PARD3: variants seen among roughly 807,000 people sequenced by gnomAD.
PARD3 encodes partitioning defective 3 homolog.
PARD3 carries 75 observed loss-of-function variants against 155.4 expected under a neutral mutation model. That is an observed-to-expected ratio of 0.48 (90% confidence interval 0.40 to 0.58). PARD3 has a LOEUF of 0.58. PARD3 is among the 20% of genes least tolerant of loss of function. The pLI is 0.00. For missense variants in PARD3, 1,642 were observed against 1,721.7 expected (o/e 0.95, Z 0.82); for synonymous variants, 576 against 610.5 (o/e 0.94, Z 0.83).
intron 5 of PARD3, among the ~76,000 whole-genome samples, chr10:34,439,465 TTTTTC>T (rs930194035): frequency 9.9e-5 from 15 of 152,162 alleles, no homozygotes; most frequent in Non-Finnish European, 1.3e-4. Context: ...TTTTAATTTT[TTTTTC>T]TTTTCTTGAG....
At chr10:34,367,255 T>C (rs1052020560) in intron 12 of PARD3, among the ~76,000 whole-genome samples, 2 of 152,214 alleles carry the variant, frequency 1.3e-5, no homozygotes, top group African/African-American at 4.8e-5. Flanking sequence ...CTTACTGCCA[T>C]ACATGATCCT....
chr10:34,494,929 C>T (rs2080170055), intron 3 of PARD3, among the ~76,000 whole-genome samples: 1 of 152,008 alleles, frequency 6.6e-6, no homozygotes, highest in African/African-American at 2.4e-5. Flanking sequence ...AAGCTGGAGC[C>T]AATTCCACTG....
chr10:34,138,032 C>T (rs981226768), intron 22 of PARD3, among the ~76,000 whole-genome samples: 1 of 152,152 alleles, frequency 6.6e-6, no homozygotes, highest in Non-Finnish European at 1.5e-5. Context: ...TAAGGTGGCC[C>T]TAATGTCCTA....
chr10:34,274,787 G>A (rs1390211942), intron 21 of PARD3, among the ~76,000 whole-genome samples: 2 of 152,086 alleles, frequency 1.3e-5, no homozygotes, highest in East Asian at 1.9e-4. Flanking sequence ...CACTAAAAGT[G>A]AAAAATCCAG....
chr10:34,159,016 T>C (rs1335630548), intron 22 of PARD3, among the ~76,000 whole-genome samples: 1 of 152,174 alleles, frequency 6.6e-6, no homozygotes, highest in Non-Finnish European at 1.5e-5. Context: ...CATTCTCAAA[T>C]CTTGAAAAAG....
chr10:34,563,247 A>G (rs2085648247), intron 2 of PARD3, among the ~76,000 whole-genome samples: 1 of 152,206 alleles, frequency 6.6e-6, no homozygotes, highest in Non-Finnish European at 1.5e-5. Flanking sequence ...GCAAAAATGA[A>G]TACTTTTTTT....
At chr10:34,269,274 A>G (rs1955496681) in intron 22 of PARD3, among the ~76,000 whole-genome samples, 2 of 152,220 alleles carry the variant, frequency 1.3e-5, no homozygotes, top group African/African-American at 4.8e-5. Context: ...AGTGGAACAA[A>G]TCATGTCATT....
intron 3 of PARD3, among the ~76,000 whole-genome samples, chr10:34,503,463 C>T (rs1220317238): frequency 2.0e-5 from 3 of 152,194 alleles, no homozygotes; most frequent in Non-Finnish European, 2.9e-5. Context: ...TCTTAAATTA[C>T]ATGCTATTCC....
At chr10:34,272,118 A>G (rs1955641735) in intron 21 of PARD3, among the ~76,000 whole-genome samples, 1 of 152,212 alleles carries the variant, frequency 6.6e-6, no homozygotes, top group South Asian at 2.1e-4. Context: ...ATAGGCAAAA[A>G]GAAAAGGAAA....
intron 2 of PARD3, among the ~76,000 whole-genome samples, chr10:34,677,159 T>C (rs992901366): frequency 6.6e-6 from 1 of 152,106 alleles, no homozygotes; most frequent in African/African-American, 2.4e-5. Flanking sequence ...AGTATTTCAG[T>C]GTTGTCCAAT....
chr10:34,391,834 T>C (rs1380378975), intron 7 of PARD3, among the ~76,000 whole-genome samples: 1 of 152,212 alleles, frequency 6.6e-6, no homozygotes. Flanking sequence ...CACTTTTATT[T>C]CAACTCAAAA....
chr10:34,542,234 T>TGTGCAC (rs1554889665), intron 2 of PARD3, among the ~76,000 whole-genome samples: 12,797 of 146,088 alleles, frequency 0.088, 813 homozygotes, highest in African/African-American at 0.15. Context: ...TGTGTGTGTG[T>TGTGCAC]GTGTGCACAC....
chr10:34,395,315 G>A (rs928734744), intron 7 of PARD3, among the ~76,000 whole-genome samples: 4 of 152,076 alleles, frequency 2.6e-5, no homozygotes, highest in Non-Finnish European at 5.9e-5. Context: ...GATTACAGGC[G>A]TGAGCCACTG....
At chr10:34,199,470 T>C (rs1375475468) in intron 22 of PARD3, among the ~76,000 whole-genome samples, 1 of 152,060 alleles carries the variant, frequency 6.6e-6, no homozygotes, top group East Asian at 1.9e-4. Context: ...CCCCAGTGGC[T>C]GGTCAGTGAA....
In PARD3 at chr10:34,378,042, G is replaced by T. The variant is rs1175435944; in HGVS notation, c.1464C>A (p.Ile488=). 1 of 1,596,526 alleles carries T rather than the reference G, an allele frequency of 6.3e-7. No homozygotes were observed. The highest frequency in any genetic ancestry group is 1.1e-5 in the South Asian group (1 of 88,738). ...CCCGGGGGAGAATGTTTTTCACATA[G>T]ATTGGAGCTGAGCCACCTATTGTTA... ...RDVTIGGSAP[I]YVKNILPRGA... Residue 488 remains isoleucine, a synonymous_variant, in exon 10 of 25, where the codon ATC becomes ATA. Transcript: ENST00000374788.
At chr10:34,454,689 C>T (rs11818042) in intron 4 of PARD3, among the ~76,000 whole-genome samples, 11,295 of 152,158 alleles carry the variant, frequency 0.074, 1,286 homozygotes, top group African/African-American at 0.25. Context: ...TATGAGGCTG[C>T]CCCAAATAGC....
intron 1 of PARD3, among the ~76,000 whole-genome samples, chr10:34,734,100 CTAAT>C (rs1348393991): frequency 2.0e-5 from 3 of 151,794 alleles, no homozygotes; most frequent in East Asian, 1.9e-4. Flanking sequence ...TCCTAATCTC[CTAAT>C]TTATTATTTA....
chr10:34,350,589 C>T (rs1404522317), intron 14 of PARD3, among the ~76,000 whole-genome samples: 2 of 146,304 alleles, frequency 1.4e-5, no homozygotes, highest in African/African-American at 2.6e-5. Flanking sequence ...GCCGAGATCA[C>T]GCCACTGCAC....
At chr10:34,195,037 A>G (rs1288624078) in intron 22 of PARD3, among the ~76,000 whole-genome samples, 3 of 152,218 alleles carry the variant, frequency 2.0e-5, no homozygotes, top group African/African-American at 2.4e-5. Context: ...TAATTTCTCT[A>G]TGTAAAATTA....
Sources: allele counts gnomAD v4.1 joint callset (sites outside exome capture counted in the v4.1 genomes callset), GRCh38; gene constraint gnomAD v4.1.1; transcripts MANE v1.5; gene names NCBI Gene and HGNC (gene_info 2026-07-23, HGNC 2026-07-21).